RIC8A: variants seen among roughly 807,000 people sequenced by gnomAD.
The protein encoded by RIC8A is RIC8 guanine nucleotide exchange factor A, also known as chaperone Ric-8A.
RIC8A carries 37 observed loss-of-function variants against 48.4 expected under a neutral mutation model. That is an observed-to-expected ratio of 0.77 (90% CI 0.59 to 1.01). The LOEUF (loss-of-function observed/expected upper bound fraction) is 1.01, where lower values mean the gene tolerates loss of function less well. Among genes scored for constraint, RIC8A ranks in the 50% least tolerant of loss-of-function variants. The pLI is 0.00. For missense variants in RIC8A, 681 were observed against 696.8 expected (o/e 0.98, Z 0.25); for synonymous variants, 288 against 283.4 (o/e 1.02, Z -0.16).
At position 209,781 on chromosome 11, in the gene RIC8A, C is replaced by T. The variant is rs1370378824; in HGVS notation, c.507C>T (p.Phe169=). The part of the protein sequence containing the change: ...DVQFFDLRLL[F]LLTALRTDVR... Reference sequence around the variant, plus strand: ...AGTTCTTTGACTTGCGGCTCCTCTTCCTGCTAACGGCACTCCGCACCGATG... The same window carrying T: ...AGTTCTTTGACTTGCGGCTCCTCTTTCTGCTAACGGCACTCCGCACCGATG... The change falls in exon 3 of 10, where the codon TTC becomes TTT. Residue 169 remains phenylalanine, a synonymous_variant. Coordinates refer to ENST00000526104, the MANE Select transcript of RIC8A (RefSeq NM_001286134.2). 4 of 1,613,932 alleles carry T rather than the reference C, an allele frequency of 2.5e-6. No individual in the cohort carries two copies. The highest frequency in any genetic ancestry group is 2.2e-5 in the South Asian group (2 of 91,090).
At position 208,565 on chromosome 11, in the gene RIC8A, G is replaced by T; in HGVS notation, c.-290G>T. The T allele has an allele frequency of 2.9e-6, 1 of 342,912 alleles. No homozygotes were observed. The highest frequency in any genetic ancestry group is 5.2e-6 in the Non-Finnish European group (1 of 191,106). 21.2% of individuals were successfully genotyped at this position (342,912 alleles called of 1,614,324 possible). ...GTGGGGGCTGAGATCGTTTCCTGTT[G>T]GAACTTCTGGCCCAAGAAGCGCGGG... On this transcript the variant is annotated 5_prime_UTR_variant, in exon 1 of 10. Coordinates refer to ENST00000526104, the MANE Select transcript of RIC8A (RefSeq NM_001286134.2). The surrounding 1 kb of genome is among the most constrained non-coding windows in gnomAD (Gnocchi z 4.8).
At position 212,412 on chromosome 11, in the gene RIC8A, A is replaced by C; in HGVS notation, c.970-4A>C. 7 of 1,613,522 alleles carry C rather than the reference A, an allele frequency of 4.3e-6. No individual in the cohort carries two copies. The highest frequency in any genetic ancestry group is 5.1e-6 in the Non-Finnish European group (6 of 1,179,822). ...TAGCCCCAGTGACAGAGAATCCTCT[A>C]CAGACACACAGGCTGAAGGAGAGTG... On this transcript the variant is annotated splice_region_variant and splice_polypyrimidine_tract_variant and intron_variant, in intron 5 of 9. Coordinates refer to ENST00000526104, the MANE Select transcript of RIC8A (RefSeq NM_001286134.2).
Position 211,965 on chromosome 11 carries a change from G to C in RIC8A, c.970-451G>C. On this transcript the variant is annotated intron_variant, in intron 5 of 9. Coordinates refer to ENST00000526104, the MANE Select transcript of RIC8A (RefSeq NM_001286134.2). The surrounding 1 kb of genome is among the most constrained non-coding windows in gnomAD (Gnocchi z 4.0). ...CCGTCGCTGCCACTGCTGGTGCTGG[G>C]GTCCAGGCACATTATGCTAGGAGGG... 5.2e-6 allele frequency: 1 copy of C among 192,570 alleles called. No homozygotes were observed. Among genetic ancestry groups the C allele is most frequent in the Non-Finnish European group, 1.1e-5 (1 of 91,844 alleles). 11.9% of individuals were successfully genotyped at this position (192,570 alleles called of 1,614,324 possible). A position where few individuals can be genotyped will look rare whatever the true frequency, so the allele number is the denominator to read the frequency against.
chr11:212,356 C>G, intron 5 of RIC8A, 60 bp from the exon 6 acceptor site: 1 of 1,538,134 alleles, frequency 6.5e-7, no homozygotes. Context: ...GGAGGTGTAA[C>G]TCTGTGCCAG....
At chr11:213,932 T>A (rs1855453125) in intron 9 of RIC8A, among the ~76,000 whole-genome samples, 1 of 151,150 alleles carries the variant, frequency 6.6e-6, no homozygotes, top group Non-Finnish European at 1.5e-5. Context: ...GGCAACAGAG[T>A]GAGACTTCGT....
At chr11:213,444 T>C (rs1442731726) in intron 9 of RIC8A, 26 bp downstream of exon 9, 1 of 1,559,848 alleles carries the variant, frequency 6.4e-7, no homozygotes, top group Non-Finnish European at 8.7e-7. Context: ...AGGAGGGGCC[T>C]GCAGCTGGGA....
Position 209,659 on chromosome 11 carries a change from C to T in RIC8A, c.385C>T (p.Pro129Ser), listed in dbSNP as rs759119259. The change falls in exon 3 of 10, where the codon CCT becomes TCT. Residue 129 changes from proline to serine, a missense_variant. Transcript: ENST00000526104. ...KCLCNLVLSSPVAQMLAAEAR... is the reference protein window; with the variant it reads ...KCLCNLVLSSSVAQMLAAEAR... ...CCTGTGCAACCTCGTGCTCAGCAGC[C>T]CTGTGGCACAGATGCTGGCAGCAGA... 1 of 1,613,984 alleles carries T rather than the reference C, an allele frequency of 6.2e-7. No homozygotes were observed. Among genetic ancestry groups the T allele is most frequent in the Admixed American group, 1.7e-5 (1 of 60,024 alleles).
In RIC8A at chr11:209,496, C is replaced by G. The variant is rs751210325; in HGVS notation, c.222C>G (p.Ser74=). Reference sequence around the variant, plus strand: ...GGCTGCAGAGTGTCCGAATCCTGTCCCGGGACCGCAACTGCCTGGACCCGT... The same window carrying G: ...GGCTGCAGAGTGTCCGAATCCTGTCGCGGGACCGCAACTGCCTGGACCCGT... ...VIWLQSVRIL[S]RDRNCLDPFT... is the part of the protein sequence containing the mutation. The change falls in exon 3 of 10, where the codon TCC becomes TCG. Residue 74 remains serine, a synonymous_variant. Coordinates refer to ENST00000526104, the MANE Select transcript of RIC8A (RefSeq NM_001286134.2). 5 of 1,612,958 alleles carry G rather than the reference C, an allele frequency of 3.1e-6. No individual in the cohort carries two copies. The South Asian group carries it at 5.5e-5, about 18-fold the overall frequency.
rs1292922327 is a variant in RIC8A, at chr11:208,828, G to A, written c.-27G>A. The A allele has an allele frequency of 1.3e-6, 2 of 1,593,358 alleles. No individual in the cohort carries two copies. Among genetic ancestry groups the A allele is most frequent in the African/African-American group, 1.3e-5 (1 of 74,484 alleles). Reference sequence around the variant, plus strand: ...CTGCGGCCCGGAACGGCTGAGGAAGGGCCCGTCCCGCCTTCCCCGGCGCGC... The same window carrying A: ...CTGCGGCCCGGAACGGCTGAGGAAGAGCCCGTCCCGCCTTCCCCGGCGCGC... On this transcript the variant is annotated 5_prime_UTR_variant, in exon 1 of 10. Transcript: ENST00000526104. This position sits in a 1 kb window ranked among gnomAD's most constrained non-coding sequence, Gnocchi z 4.8.
intron 3 of RIC8A, 148 bp downstream of exon 3, chr11:210,148 G>A (rs751761468): frequency 1.4e-4 from 101 of 740,810 alleles, no homozygotes; most frequent in Non-Finnish European, 2.1e-4. Flanking sequence ...CCAAGGAGAT[G>A]CCAGTTCTGG....
Position 211,411 on chromosome 11 carries a change from A to G in RIC8A, c.969+62A>G. On this transcript the variant is annotated intron_variant, in intron 5 of 9. Coordinates refer to ENST00000526104, the MANE Select transcript of RIC8A (RefSeq NM_001286134.2). This position sits in a 1 kb window ranked among gnomAD's most constrained non-coding sequence, Gnocchi z 4.0. ...CTCTGGCACTGGTTCTCCTGCACAGATGTGGTCAGTGCTTCCACACTGTCC... is the reference window on the plus strand; with the variant it reads ...CTCTGGCACTGGTTCTCCTGCACAGGTGTGGTCAGTGCTTCCACACTGTCC... 1 of 1,550,132 alleles carries G rather than the reference A, an allele frequency of 6.5e-7. No homozygotes were observed. The highest frequency in any genetic ancestry group is 8.8e-7 in the Non-Finnish European group (1 of 1,139,224).
Position 212,478 on chromosome 11 carries a change from G to A in RIC8A, c.1032G>A (p.Met344Ile). The A allele has an allele frequency of 6.2e-7, 1 of 1,613,990 alleles. No individual in the cohort carries two copies. Among genetic ancestry groups the A allele is most frequent in the East Asian group, 2.2e-5 (1 of 44,882 alleles). ...GCGTGCTGACTGAATGTGCCCGGAT[G>A]CACCGCCCAGCCAGGAAGTTCCTGA... is the stretch of plus-strand genomic sequence containing the variant. ...VLSVLTECAR[M>I]HRPARKFLKA... The change falls in exon 6 of 10, where the codon ATG becomes ATA. Residue 344 changes from methionine (M) to isoleucine (I), a missense_variant. Physicochemically the swap from Met to Ile is conservative, Grantham distance 10 (BLOSUM62 1). Coordinates refer to ENST00000526104, the MANE Select transcript of RIC8A (RefSeq NM_001286134.2).
chr11:211,079 C>A lies in RIC8A; in HGVS notation c.819-120C>A. ...CCCTGCCCTTGGCTTTGGTCCCTAG[C>A]GCTGCCCCTTTGGGACTCAGATGCC... On this transcript the variant is annotated intron_variant, in intron 4 of 9. Transcript: ENST00000526104. This position sits in a 1 kb window ranked among gnomAD's most constrained non-coding sequence, Gnocchi z 4.0. 1 of 1,117,732 alleles carries A rather than the reference C, an allele frequency of 8.9e-7. No individual in the cohort carries two copies. The highest frequency in any genetic ancestry group is 1.3e-6 in the Non-Finnish European group (1 of 778,208). The allele number at this position is 1,117,732 out of a possible 1,614,324, so 69.2% of individuals were successfully genotyped here.
chr11:209,965 A>T lies in RIC8A; in HGVS notation c.691A>T (p.Ile231Phe), dbSNP rs1297757897. The change falls in exon 3 of 10, where the codon ATC (isoleucine) becomes TTC (phenylalanine). Residue 231 changes from isoleucine (I) to phenylalanine (F), a missense_variant. Coordinates refer to ENST00000526104, the MANE Select transcript of RIC8A (RefSeq NM_001286134.2). ...AMEILKVLFN[I>F]TLDSIKGEVD... ...GGAGATCCTCAAAGTGCTCTTCAACATCACCCTGGACTCCATCAAGGGGGA... is the reference window on the plus strand; with the variant it reads ...GGAGATCCTCAAAGTGCTCTTCAACTTCACCCTGGACTCCATCAAGGGGGA... 1 of 1,597,944 alleles carries T rather than the reference A, an allele frequency of 6.3e-7. No homozygotes were observed. Among genetic ancestry groups the T allele is most frequent in the Non-Finnish European group, 8.5e-7 (1 of 1,177,806 alleles).
intron 3 of RIC8A, 69 bp downstream of exon 3, chr11:210,069 C>G: frequency 7.4e-7 from 1 of 1,343,532 alleles, no homozygotes; most frequent in Non-Finnish European, 1.0e-6. Flanking sequence ...CTGCTTCCTA[C>G]TGGGTACCTT....
rs776983060 is a variant in RIC8A, at chr11:212,653, G to A, written c.1104G>A (p.Glu368=). Residue 368 remains glutamate, a synonymous_variant, in exon 7 of 10, where the codon GAG becomes GAA. Transcript: ENST00000526104. The part of the protein sequence containing the change: ...PPLRDVRTRP[E]VGEMLRNKLV... ...TGCGGGATGTGAGGACACGGCCTGA[G>A]GTTGGGGAGATGCTGCGGAACAAGC... 5.0e-5 allele frequency: 81 copies of A among 1,614,028 alleles called. No individual in the cohort carries two copies. Among genetic ancestry groups the A allele is most frequent in the Non-Finnish European group, 6.5e-5 (77 of 1,180,038 alleles).
At chr11:213,157 C>A in intron 8 of RIC8A, 142 bp from the exon 9 acceptor site, 2 of 1,386,280 alleles carry the variant, frequency 1.4e-6, no homozygotes, top group Non-Finnish European at 1.9e-6. Flanking sequence ...ATGGCAGGAG[C>A]TGGTTACCTG....
Position 211,539 on chromosome 11 carries a change from G to A in RIC8A, c.969+190G>A, listed in dbSNP as rs1365092671. The stretch of plus-strand genomic sequence containing the variant: ...AAGCCAGACCCTTCCTCCATGAGAA[G>A]CATGTGGACACCTTCCACACACTTG... On this transcript the variant is annotated intron_variant, in intron 5 of 9. Coordinates refer to ENST00000526104, the MANE Select transcript of RIC8A (RefSeq NM_001286134.2). The surrounding 1 kb of genome is among the most constrained non-coding windows in gnomAD (Gnocchi z 4.0). The A allele has an allele frequency of 4.4e-5, 25 of 569,272 alleles. No individual in the cohort carries two copies. In the East Asian group the frequency reaches 7.2e-4, roughly 16 times the overall value. The allele number at this position is 569,272 out of a possible 1,614,324, so 35.3% of individuals were successfully genotyped here. A position where few individuals can be genotyped will look rare whatever the true frequency, so the allele number is the denominator to read the frequency against.
rs747331437 is a variant in RIC8A at position 209,800 on chromosome 11, A to C, written c.526A>C (p.Thr176Pro). The C allele has an allele frequency of 1.1e-5, 17 of 1,613,844 alleles. No individual in the cohort carries two copies. Among genetic ancestry groups the C allele is most frequent in the Middle Eastern group, 3.3e-4 (2 of 6,084 alleles). The change falls in exon 3 of 10, where the codon ACC becomes CCC. Residue 176 changes from threonine (T) to proline (P), a missense_variant. Transcript: ENST00000526104. The stretch of plus-strand genomic sequence containing the variant: ...CCTCTTCCTGCTAACGGCACTCCGC[A>C]CCGATGTGCGCCAGCAGCTGTTTCA... ...RLLFLLTALRTDVRQQLFQEL... is the reference protein window; with the variant it reads ...RLLFLLTALRPDVRQQLFQEL...
Sources: allele counts gnomAD v4.1 joint callset (sites outside exome capture counted in the v4.1 genomes callset), GRCh38; gene constraint gnomAD v4.1.1; non-coding constraint Gnocchi (gnomAD v3.1); transcripts MANE v1.5; gene names NCBI Gene and HGNC (gene_info 2026-07-23, HGNC 2026-07-21).